HTR1F: variants seen among roughly 807,000 people sequenced by gnomAD.
HTR1F encodes the protein 5-hydroxytryptamine receptor 1F, also known as 5-hydroxytryptamine (serotonin) receptor 1F, G protein-coupled.
In HTR1F, 17 loss-of-function variants were observed where a neutral mutation model predicts 24.0. The observed-to-expected ratio is 0.71, with a 90% CI of 0.48 to 1.06. HTR1F has a LOEUF of 1.06. Among genes scored for constraint, HTR1F ranks in the 50% least tolerant of loss-of-function variants. HTR1F has a pLI of 0.00. For synonymous variants in HTR1F, 186 were observed against 156.8 expected, an observed-to-expected ratio of 1.19 and a Z score of -1.39; for missense variants, 391 against 427.8, an observed-to-expected ratio of 0.91 and a Z score of 0.76.
chr3:87,933,123 T>C (rs56215818), intron 2 of HTR1F, among the ~76,000 whole-genome samples: 16,951 of 151,712 alleles, frequency 0.11, 1,164 homozygotes, highest in Non-Finnish European at 0.16. Context: ...TCTCAATAGA[T>C]GCAGAAAAGG....
intron 2 of HTR1F, among the ~76,000 whole-genome samples, chr3:87,876,978 TAAAA>T (rs1164407981): frequency 1.3e-5 from 2 of 151,962 alleles, no homozygotes; most frequent in African/African-American, 4.8e-5. Flanking sequence ...TTTACTAAAA[TAAAA>T]AAAGAAAGAT....
intron 2 of HTR1F, among the ~76,000 whole-genome samples, chr3:87,979,738 G>A (rs140954192): frequency 1.4e-3 from 211 of 152,342 alleles, no homozygotes; most frequent in African/African-American, 4.9e-3. Context: ...ATGGAGTGGA[G>A]CAGCAAGGGG....
intron 2 of HTR1F, among the ~76,000 whole-genome samples, chr3:87,876,701 T>G (rs952052232): frequency 6.6e-6 from 1 of 152,132 alleles, no homozygotes; most frequent in Non-Finnish European, 1.5e-5. Context: ...AGATAGGATT[T>G]ATTGTTCGGT....
At position 87,989,554 on chromosome 3, in the gene HTR1F, T is replaced by A. The variant is rs72917788; in HGVS notation, c.-42-1154T>A. Among the ~76,000 whole-genome samples, 704 of 152,266 alleles carry A rather than the reference T, an allele frequency of 4.6e-3. 2 individuals carry two copies. Among genetic ancestry groups the A allele is most frequent in the African/African-American group, 0.016 (680 of 41,562 alleles). ...CATGGAATGCTAAGGATATACTAAT[T>A]TTTTTTGCTATTTCTCTTTATATAA... On this transcript the variant is annotated intron_variant, in intron 2 of 2. Transcript: ENST00000319595.
At chr3:87,931,090 TG>T (rs1181196726) in intron 2 of HTR1F, among the ~76,000 whole-genome samples, 2 of 150,322 alleles carry the variant, frequency 1.3e-5, no homozygotes, top group East Asian at 4.0e-4. Flanking sequence ...TTAGCATACA[TG>T]TGCACAATGT....
chr3:87,898,369 G>A (rs1706248857), intron 2 of HTR1F, among the ~76,000 whole-genome samples: 1 of 152,102 alleles, frequency 6.6e-6, no homozygotes, highest in African/African-American at 2.4e-5. Context: ...TTGAGGCCTT[G>A]GGTAGGTCAT....
At chr3:87,839,554 T>C (rs776369923) in intron 2 of HTR1F, among the ~76,000 whole-genome samples, 9 of 152,138 alleles carry the variant, frequency 5.9e-5, no homozygotes, top group Non-Finnish European at 1.3e-4. Context: ...TTTGTGATTG[T>C]AAGCAAATTT....
intron 2 of HTR1F, among the ~76,000 whole-genome samples, chr3:87,982,880 C>A (rs578101281): frequency 3.6e-4 from 55 of 152,292 alleles, no homozygotes; most frequent in Admixed American, 1.5e-3. Context: ...GTTTAGTTTA[C>A]AGCTCTCTGA....
chr3:87,866,400 C>T (rs940518665), intron 2 of HTR1F, among the ~76,000 whole-genome samples: 3 of 152,086 alleles, frequency 2.0e-5, no homozygotes, highest in Admixed American at 6.6e-5. Flanking sequence ...CTCTAATGCA[C>T]CCATAAGCAA....
chr3:87,885,004 A>G (rs1705903134), intron 2 of HTR1F, among the ~76,000 whole-genome samples: 1 of 152,222 alleles, frequency 6.6e-6, no homozygotes, highest in Non-Finnish European at 1.5e-5. Context: ...ACAGACATCT[A>G]CAGAACTCTC....
intron 2 of HTR1F, among the ~76,000 whole-genome samples, chr3:87,826,542 C>CCCGTAAACG (rs1272477816): frequency 6.6e-6 from 1 of 152,130 alleles, no homozygotes; most frequent in Admixed American, 6.5e-5. Flanking sequence ...GCTTATACAT[C>CCCGTAAACG]CCGTAAACGC....
At chr3:87,874,984 T>C in intron 2 of HTR1F, among the ~76,000 whole-genome samples, 1 of 152,062 alleles carries the variant, frequency 6.6e-6, no homozygotes, top group East Asian at 1.9e-4. Flanking sequence ...AAAATCAACT[T>C]AAAATGGATT....
intron 2 of HTR1F, among the ~76,000 whole-genome samples, chr3:87,907,322 ATCT>A (rs1451113776): frequency 6.6e-6 from 1 of 150,390 alleles, no homozygotes; most frequent in Non-Finnish European, 1.5e-5. Flanking sequence ...CCATTTGTAT[ATCT>A]TCTTTTGAGA....
intron 2 of HTR1F, among the ~76,000 whole-genome samples, chr3:87,929,557 G>A (rs930092854): frequency 3.9e-5 from 6 of 152,224 alleles, no homozygotes; most frequent in South Asian, 4.1e-4. Context: ...TGAATAAGAG[G>A]TTGTGTCCCC....
intron 2 of HTR1F, among the ~76,000 whole-genome samples, chr3:87,945,859 C>CGGGGGGG (rs150282952): frequency 1.3e-5 from 2 of 151,770 alleles, no homozygotes; most frequent in African/African-American, 4.9e-5. Context: ...AAAATGTTAC[C>CGGGGGGG]GGGGGGGTCC....
At chr3:87,820,003 T>C (rs1704324492) in intron 1 of HTR1F, among the ~76,000 whole-genome samples, 1 of 152,116 alleles carries the variant, frequency 6.6e-6, no homozygotes, top group Non-Finnish European at 1.5e-5. Flanking sequence ...ATTCTGCTTT[T>C]TATATTTCTG....
chr3:87,808,038 ATTTC>A (rs1704101036), intron 1 of HTR1F, among the ~76,000 whole-genome samples: 1 of 151,548 alleles, frequency 6.6e-6, no homozygotes, highest in East Asian at 1.9e-4. Context: ...TTTTTTGAGA[ATTTC>A]TGTACCTATG....
At chr3:87,974,523 CTAGTAT>C (rs1705352215) in intron 2 of HTR1F, among the ~76,000 whole-genome samples, 1 of 149,300 alleles carries the variant, frequency 6.7e-6, no homozygotes, top group Non-Finnish European at 1.5e-5. Flanking sequence ...TGTATCTCTA[CTAGTAT>C]AAGAAAAAAA....
At chr3:87,971,163 T>C (rs1705278039) in intron 2 of HTR1F, among the ~76,000 whole-genome samples, 1 of 152,234 alleles carries the variant, frequency 6.6e-6, no homozygotes, top group Non-Finnish European at 1.5e-5. Flanking sequence ...TCACTTACCT[T>C]CTTCTTTCTG....
Sources: gnomAD v4.1 joint callset for allele counts (sites outside exome capture counted in the v4.1 genomes callset) on GRCh38, gnomAD v4.1.1 for gene constraint, MANE v1.5 for transcripts, NCBI Gene and HGNC (gene_info 2026-07-23, HGNC 2026-07-21) for gene names.